Variants in OPTN observed in about 807,000 individuals in gnomAD.
The protein encoded by OPTN is E3-14.7K-interacting protein.
A neutral mutation model predicts 70.4 loss-of-function variants in OPTN; 54 were observed. The ratio of observed to expected loss-of-function variants is 0.77; its 90% CI spans 0.62 to 0.96. OPTN has a LOEUF of 0.96. Among genes scored for constraint, OPTN ranks in the 40% least tolerant of loss-of-function variants. OPTN has a pLI of 0.00. For missense variants in OPTN, 624 were observed against 673.2 expected, an observed-to-expected ratio of 0.93 and a Z score of 0.81; for synonymous variants, 256 against 248.5, an observed-to-expected ratio of 1.03 and a Z score of -0.28.
intron 6 of OPTN, among the ~76,000 whole-genome samples, chr10:13,117,863 G>A (rs1000353324): frequency 1.3e-5 from 2 of 152,216 alleles, no homozygotes; most frequent in African/African-American, 2.4e-5. Flanking sequence ...GTATAAGGAA[G>A]AAAGTAAGTA....
At chr10:13,125,319 C>T (rs1275588940) in intron 9 of OPTN, 99 bp from the exon 10 acceptor site, 1 of 1,350,698 alleles carries the variant, frequency 7.4e-7, no homozygotes, top group Admixed American at 1.7e-5. Context: ...CCCTACAGCC[C>T]TAAAATTCTT....
chr10:13,134,185 T>C lies in OPTN; in HGVS notation c.1612+604T>C, dbSNP rs1833652187. Among the ~76,000 whole-genome samples the C allele has an allele frequency of 1.3e-5, 2 of 152,192 alleles. 1 individual carries two copies. On this transcript the variant is annotated intron_variant, in intron 14 of 14. Coordinates refer to ENST00000378747, the MANE Select transcript of OPTN (RefSeq NM_001008212.2). Reference sequence around the variant, plus strand: ...CCAGACTGAATCATCCCCTTGAACTTGTCCTAAGCTTGTATTTGCTTGTAT... The same window carrying C: ...CCAGACTGAATCATCCCCTTGAACTCGTCCTAAGCTTGTATTTGCTTGTAT...
At chr10:13,106,685 AGAT>A (rs1291650793) in intron 1 of OPTN, among the ~76,000 whole-genome samples, 1 of 152,354 alleles carries the variant, frequency 6.6e-6, no homozygotes, top group East Asian at 1.9e-4. Context: ...TGCTTCCAGA[AGAT>A]CTACAGAAAG....
intron 5 of OPTN, among the ~76,000 whole-genome samples, chr10:13,114,255 C>T (rs982216536): frequency 2.0e-5 from 3 of 152,114 alleles, no homozygotes; most frequent in Admixed American, 1.3e-4. Context: ...GGAAACAGCT[C>T]TGAATAACCC....
chr10:13,132,913 AT>A (rs201453893), intron 13 of OPTN, among the ~76,000 whole-genome samples: 8 of 149,758 alleles, frequency 5.3e-5, no homozygotes, highest in Non-Finnish European at 7.4e-5. Context: ...TGCTTCAAGT[AT>A]TTTTTTTTTA....
intron 1 of OPTN, 119 bp from the exon 2 acceptor site, chr10:13,108,019 T>C (rs372030158): frequency 2.0e-5 from 3 of 152,200 alleles, no homozygotes; most frequent in African/African-American, 2.4e-5. Context: ...CAAAATGATA[T>C]GTGTAAAAAA....
Position 13,137,013 on chromosome 10 carries a change from C to T in OPTN, c.*147C>T, listed in dbSNP as rs964254943. On this transcript the variant is annotated 3_prime_UTR_variant, in exon 15 of 15. Transcript: ENST00000378747. ...AAAGAAAACAGGCCGGGCACAGTGG[C>T]TCATGCCTGTAATCCCAGCACTTTG... The T allele has an allele frequency of 2.9e-6, 3 of 1,021,272 alleles. No homozygotes were observed. Among genetic ancestry groups the T allele is most frequent in the African/African-American group, 3.2e-5 (2 of 63,332 alleles). 63.3% of individuals were successfully genotyped at this position (1,021,272 alleles called of 1,614,324 possible).
chr10:13,102,508 T>C (rs1233482837), intron 1 of OPTN, among the ~76,000 whole-genome samples: 1 of 152,240 alleles, frequency 6.6e-6, no homozygotes, highest in African/African-American at 2.4e-5. Context: ...TGGCAAGTAA[T>C]GTTCTCAGTC....
chr10:13,111,904 G>A (rs1255603081), intron 4 of OPTN, among the ~76,000 whole-genome samples: 21 of 123,966 alleles, frequency 1.7e-4, no homozygotes, highest in Non-Finnish European at 6.3e-5. Flanking sequence ...CTGGAGTACA[G>A]TGGCATAATC....
intron 5 of OPTN, among the ~76,000 whole-genome samples, chr10:13,115,141 G>T (rs1384090465): frequency 6.5e-4 from 50 of 77,468 alleles, no homozygotes; most frequent in East Asian, 1.2e-3. Context: ...TTATAATATA[G>T]ATATATCTAT....
chr10:13,128,086 A>G (rs1370288506), intron 12 of OPTN, among the ~76,000 whole-genome samples, 183 bp downstream of exon 12: 1 of 152,216 alleles, frequency 6.6e-6, no homozygotes, highest in Admixed American at 6.5e-5. Flanking sequence ...TCTGTTCTAC[A>G]TTTAATAGGT....
intron 6 of OPTN, 118 bp from the exon 7 acceptor site, chr10:13,118,770 A>C: frequency 1.1e-6 from 1 of 871,916 alleles, no homozygotes. Context: ...GTTGAGAATT[A>C]GTTGGAGAAT....
chr10:13,113,627 G>A (rs1833059196), intron 5 of OPTN, among the ~76,000 whole-genome samples: 1 of 152,314 alleles, frequency 6.6e-6, no homozygotes, highest in East Asian at 1.9e-4. Flanking sequence ...GAAGAGCAGA[G>A]CAGGTCGATG....
chr10:13,115,218 TA>T (rs1475045064), intron 5 of OPTN, among the ~76,000 whole-genome samples: 10 of 88,866 alleles, frequency 1.1e-4, no homozygotes, highest in Non-Finnish European at 1.6e-4. Context: ...TTTATATATA[TA>T]TTTATATATA....
intron 8 of OPTN, 47 bp from the exon 9 acceptor site, chr10:13,123,948 G>A (rs775277164): frequency 1.6e-5 from 23 of 1,395,078 alleles, no homozygotes; most frequent in East Asian, 4.6e-5. Context: ...TTTGTTTAAT[G>A]TCAGATGATA....
At chr10:13,103,742 G>GCACACACACA (rs771828062) in intron 1 of OPTN, among the ~76,000 whole-genome samples, 20,008 of 64,612 alleles carry the variant, frequency 0.31, 1,616 homozygotes, top group East Asian at 0.51. Flanking sequence ...ACACACACAT[G>GCACACACACA]CACACACACA....
At chr10:13,126,570 G>A (rs567540493) in intron 11 of OPTN, among the ~76,000 whole-genome samples, 10 of 149,836 alleles carry the variant, frequency 6.7e-5, no homozygotes, top group Admixed American at 1.3e-4. Context: ...GTGAGCCACC[G>A]CGCCCGGCCA....
In OPTN at chr10:13,114,799, TATAC is replaced by T. The variant is rs1833097243; in HGVS notation, c.553-1464_553-1461del. Among the ~76,000 whole-genome samples, 2 of 78,772 alleles carry T rather than the reference TATAC, an allele frequency of 2.5e-5. 1 individual carries two copies. The highest frequency in any genetic ancestry group is 9.6e-5 in the African/African-American group (2 of 20,762). The allele number at this position is 78,772 out of a possible 152,430, so 51.7% of individuals were successfully genotyped here. On this transcript the variant is annotated intron_variant, in intron 5 of 14. Transcript: ENST00000378747. Reference sequence around the variant, plus strand: ...ATAATTATATAATTATATAATTATATATACATATATATAATTATATAATTATATA... The same window carrying T: ...ATAATTATATAATTATATAATTATATATATATATAATTATATAATTATATA...
At chr10:13,108,910 GCA>G (rs71386156) in intron 2 of OPTN, 200 bp from the exon 3 acceptor site, 621 of 583,898 alleles carry the variant, frequency 1.1e-3, no homozygotes, top group East Asian at 1.4e-3. Flanking sequence ...ACATGCGCGT[GCA>G]CACACACACA....
Sources: gnomAD v4.1 joint callset for allele counts (sites outside exome capture counted in the v4.1 genomes callset) on GRCh38, gnomAD v4.1.1 for gene constraint, MANE v1.5 for transcripts, NCBI Gene and HGNC (gene_info 2026-07-23, HGNC 2026-07-21) for gene names.